Variants in UNC13C observed in about 807,000 individuals in gnomAD.
UNC13C encodes protein unc-13 homolog C.
Under a neutral mutation model 245.4 loss-of-function variants are expected in UNC13C, and 174 were observed. The observed-to-expected ratio is 0.71, with a 90% CI of 0.63 to 0.80. The LOEUF (loss-of-function observed/expected upper bound fraction) is 0.80, where lower values mean the gene tolerates loss of function less well. Among genes scored for constraint, UNC13C ranks in the 30% least tolerant of loss-of-function variants. UNC13C has a pLI of 0.00. For missense variants in UNC13C, 2,829 were observed against 2,602.9 expected (o/e 1.09, Z -1.89); for synonymous variants, 992 against 895.1 (o/e 1.11, Z -1.93).
At chr15:54,205,655 C>T (rs1041603080) in intron 4 of UNC13C, among the ~76,000 whole-genome samples, 3 of 151,992 alleles carry the variant, frequency 2.0e-5, no homozygotes, top group Admixed American at 6.6e-5. Flanking sequence ...AGAAAACAGG[C>T]CCCTTTTTTC....
intron 2 of UNC13C, among the ~76,000 whole-genome samples, chr15:54,137,474 A>T (rs1204787223): frequency 3.3e-5 from 5 of 152,166 alleles, no homozygotes; most frequent in Non-Finnish European, 7.4e-5. Context: ...TTGTTGAGAG[A>T]TAATTGATGA....
At chr15:54,088,781 G>A (rs192407758) in intron 2 of UNC13C, among the ~76,000 whole-genome samples, 18 of 152,322 alleles carry the variant, frequency 1.2e-4, no homozygotes, top group Non-Finnish European at 2.5e-4. Flanking sequence ...GTTCACTTTG[G>A]AAGTAATAAA....
At chr15:54,443,774 A>G (rs1890658144) in intron 19 of UNC13C, among the ~76,000 whole-genome samples, 1 of 151,066 alleles carries the variant, frequency 6.6e-6, no homozygotes, top group African/African-American at 2.4e-5. Context: ...AGAAGACACG[A>G]TGTCATTTTG....
At chr15:54,354,897 G>C (rs2039059509) in intron 17 of UNC13C, among the ~76,000 whole-genome samples, 1 of 152,154 alleles carries the variant, frequency 6.6e-6, no homozygotes, top group Non-Finnish European at 1.5e-5. Flanking sequence ...TGACAGATGA[G>C]GCCCTTAAGA....
chr15:54,106,756 C>G (rs7166444), intron 2 of UNC13C, among the ~76,000 whole-genome samples: 1 of 152,052 alleles, frequency 6.6e-6, no homozygotes, highest in Non-Finnish European at 1.5e-5. Context: ...AGTTTAAAAC[C>G]GACCAAAATA....
chr15:54,147,781 G>GGTGT (rs1372170799), intron 4 of UNC13C, among the ~76,000 whole-genome samples: 150 of 24,588 alleles, frequency 6.1e-3, no homozygotes, highest in African/African-American at 0.012. Flanking sequence ...AGCATTGCAA[G>GGTGT]GTGTGTGCGT....
the UNC13C span, among the ~76,000 whole-genome samples, chr15:53,930,218 T>C: frequency 1.3e-5 from 2 of 152,186 alleles, no homozygotes; most frequent in Admixed American, 6.5e-5. Flanking sequence ...CCTTTCTTCA[T>C]GGCCTCTCTC....
chr15:54,115,489 T>A (rs1036512490), intron 2 of UNC13C, among the ~76,000 whole-genome samples: 6 of 152,098 alleles, frequency 3.9e-5, no homozygotes, highest in Non-Finnish European at 8.8e-5. Context: ...GGTACCATTT[T>A]ATTTTTCTTT....
intron 30 of UNC13C, among the ~76,000 whole-genome samples, chr15:54,615,057 A>AT (rs1414097889): frequency 6.6e-6 from 1 of 151,834 alleles, no homozygotes; most frequent in Non-Finnish European, 1.5e-5. Context: ...TTAGACATAG[A>AT]TTTTTCAATG....
At chr15:54,331,603 T>C (rs1406410177) in intron 14 of UNC13C, among the ~76,000 whole-genome samples, 1 of 152,124 alleles carries the variant, frequency 6.6e-6, no homozygotes, top group African/African-American at 2.4e-5. Flanking sequence ...CCGTAGGTGG[T>C]AGAAGTGTAA....
intron 28 of UNC13C, among the ~76,000 whole-genome samples, chr15:54,553,292 TTGTATTCTATATTAC>T (rs1225900624): frequency 8.5e-6 from 1 of 117,098 alleles, no homozygotes; most frequent in Non-Finnish European, 1.6e-5. Context: ...ATATTATATA[TTGTATTCTATATTAC>T]AATATAGAAT....
At chr15:54,106,481 A>G (rs1900452788) in intron 2 of UNC13C, among the ~76,000 whole-genome samples, 1 of 152,248 alleles carries the variant, frequency 6.6e-6, no homozygotes, top group Admixed American at 6.5e-5. Context: ...GAGGTTACAC[A>G]AAATGACTTG....
At chr15:54,617,790 A>AGGT (rs1217726882) in intron 30 of UNC13C, among the ~76,000 whole-genome samples, 1 of 152,030 alleles carries the variant, frequency 6.6e-6, no homozygotes, top group African/African-American at 2.4e-5. Flanking sequence ...CTGAATGTGG[A>AGGT]GGTAGGTCAT....
At chr15:54,598,243 C>T (rs1222699619) in intron 30 of UNC13C, among the ~76,000 whole-genome samples, 1 of 152,160 alleles carries the variant, frequency 6.6e-6, no homozygotes, top group Non-Finnish European at 1.5e-5. Flanking sequence ...CAGGTGCATG[C>T]CACCACACCC....
intron 18 of UNC13C, among the ~76,000 whole-genome samples, chr15:54,411,780 CT>C (rs1409880758): frequency 6.6e-6 from 1 of 151,958 alleles, no homozygotes; most frequent in Non-Finnish European, 1.5e-5. Flanking sequence ...TCTTCTAGTG[CT>C]TTTACTTTGC....
chr15:54,232,001 A>T (rs1326866381), intron 4 of UNC13C, among the ~76,000 whole-genome samples: 1 of 152,138 alleles, frequency 6.6e-6, no homozygotes, highest in African/African-American at 2.4e-5. Context: ...CCCAATAAAC[A>T]TTACAAAAAT....
At chr15:54,586,445 T>C (rs1001959955) in intron 30 of UNC13C, among the ~76,000 whole-genome samples, 2 of 152,208 alleles carry the variant, frequency 1.3e-5, no homozygotes, top group Admixed American at 1.3e-4. Flanking sequence ...CTCATGGCCT[T>C]TTCCCCGTGC....
rs950064783 is a variant in UNC13C, at chr15:54,250,080, C to G, written c.3229-145C>G. On this transcript the variant is annotated intron_variant, in intron 7 of 32. Coordinates refer to ENST00000260323, the MANE Select transcript of UNC13C (RefSeq NM_001080534.3). Reference sequence around the variant, plus strand: ...TAGGTTAGCAGAGTTATTATGCTTACTGTCATCATGACTTGAATCAGTGAT... The same window carrying G: ...TAGGTTAGCAGAGTTATTATGCTTAGTGTCATCATGACTTGAATCAGTGAT... 4.6e-5 allele frequency: 34 copies of G among 738,018 alleles called. 1 individual carries two copies. The highest frequency in any genetic ancestry group is 7.6e-5 in the Non-Finnish European group (33 of 436,502). The allele number at this position is 738,018 out of a possible 1,614,324, so 45.7% of individuals were successfully genotyped here.
Position 54,125,996 on chromosome 15 carries a change from C to T in UNC13C, c.2984-17022C>T, listed in dbSNP as rs149748608. 4.2e-3 allele frequency among the ~76,000 whole-genome samples: 640 copies of T among 151,804 alleles called. 3 individuals are homozygous for T. The highest frequency in any genetic ancestry group is 0.013 in the African/African-American group (553 of 41,420). Reference sequence around the variant, plus strand: ...ATACGTACAGTAACCTCTAGAAAAACAATACAAAGAAATATTCTAAAAACT... The same window carrying T: ...ATACGTACAGTAACCTCTAGAAAAATAATACAAAGAAATATTCTAAAAACT... On this transcript the variant is annotated intron_variant, in intron 2 of 32. Coordinates refer to ENST00000260323, the MANE Select transcript of UNC13C (RefSeq NM_001080534.3).
Sources: allele counts gnomAD v4.1 joint callset (sites outside exome capture counted in the v4.1 genomes callset), GRCh38; gene constraint gnomAD v4.1.1; transcripts MANE v1.5; gene names NCBI Gene and HGNC (gene_info 2026-07-23, HGNC 2026-07-21).